TBC1D32: variants seen among roughly 807,000 people sequenced by gnomAD.
The protein encoded by TBC1D32 is protein broad-minded.
TBC1D32 carries 151 observed loss-of-function variants against 170.3 expected under a neutral mutation model. The observed-to-expected ratio is 0.89, with a 90% CI of 0.78 to 1.01. TBC1D32 has a LOEUF of 1.01. TBC1D32 is among the 50% of genes least tolerant of loss of function. TBC1D32 has a pLI of 0.00. For missense variants in TBC1D32, 1,464 were observed against 1,457.1 expected (o/e 1.00, Z -0.08); for synonymous variants, 498 against 488.0 (o/e 1.02, Z -0.27).
intron 1 of TBC1D32, among the ~76,000 whole-genome samples, chr6:121,330,100 CT>C (rs1388924720): frequency 6.6e-6 from 1 of 151,984 alleles, no homozygotes; most frequent in Non-Finnish European, 1.5e-5. Flanking sequence ...GCTCTGTTAC[CT>C]AGGCTCACTG....
chr6:121,108,772 A>G (rs1778937403), intron 29 of TBC1D32, among the ~76,000 whole-genome samples: 1 of 152,058 alleles, frequency 6.6e-6, no homozygotes, highest in African/African-American at 2.4e-5. Context: ...ATGAAAATTA[A>G]ATAGAAAGAC....
chr6:121,153,357 C>G (rs1025020065), intron 24 of TBC1D32, among the ~76,000 whole-genome samples: 12 of 152,174 alleles, frequency 7.9e-5, no homozygotes, highest in Admixed American at 4.6e-4. Context: ...CCTGTTCCTT[C>G]TTATGGAATC....
At chr6:121,137,514 C>G (rs895412712) in intron 24 of TBC1D32, among the ~76,000 whole-genome samples, 20 of 149,896 alleles carry the variant, frequency 1.3e-4, no homozygotes, top group African/African-American at 4.4e-4. Flanking sequence ...TATTCTCTGT[C>G]CTTACCACCA....
intron 1 of TBC1D32, among the ~76,000 whole-genome samples, chr6:121,330,282 C>A (rs947013613): frequency 2.0e-5 from 3 of 152,146 alleles, no homozygotes; most frequent in East Asian, 3.9e-4. Flanking sequence ...GATCTGCCCA[C>A]CTCGACTTCT....
chr6:121,193,831 GC>G (rs1284396474), intron 22 of TBC1D32, among the ~76,000 whole-genome samples: 1 of 152,094 alleles, frequency 6.6e-6, no homozygotes, highest in Non-Finnish European at 1.5e-5. Flanking sequence ...GAATCACAGC[GC>G]CTCAATCAAT....
At chr6:121,209,644 G>A (rs1792794228) in intron 21 of TBC1D32, among the ~76,000 whole-genome samples, 1 of 152,138 alleles carries the variant, frequency 6.6e-6, no homozygotes, top group African/African-American at 2.4e-5. Flanking sequence ...AAAAAACTGA[G>A]GTCTAACTTG....
At chr6:121,272,702 A>T (rs376926187) in intron 15 of TBC1D32, among the ~76,000 whole-genome samples, 1 of 152,170 alleles carries the variant, frequency 6.6e-6, no homozygotes, top group African/African-American at 2.4e-5. Context: ...ACAGTGTGGC[A>T]ATTCATCAAG....
chr6:121,313,277 T>TC (rs1808501375), intron 3 of TBC1D32, among the ~76,000 whole-genome samples: 1 of 116,762 alleles, frequency 8.6e-6, no homozygotes, highest in South Asian at 2.6e-4. Context: ...GGCCTTAATT[T>TC]TTTTTTTTTT....
rs1368385262 is a variant in TBC1D32 at position 121,103,452 on chromosome 6, G to T, written c.3465+2571C>A. The stretch of plus-strand genomic sequence containing the variant: ...CTTTGTAGGGACATGGATGAAGCTG[G>T]AAACCATCATTCTCAGCAAACTATT... On this transcript the variant is annotated intron_variant, in intron 30 of 31. Coordinates refer to ENST00000398212, the MANE Select transcript of TBC1D32 (RefSeq NM_152730.6). 2.6e-5 allele frequency among the ~76,000 whole-genome samples: 4 copies of T among 151,758 alleles called. No individual in the cohort carries two copies. The East Asian group carries it at 5.8e-4, about 22-fold the overall frequency.
At position 121,207,253 on chromosome 6, in the gene TBC1D32, A is replaced by G. The variant is rs1025618757; in HGVS notation, c.2482-2090T>C. On this transcript the variant is annotated intron_variant, in intron 21 of 31. Coordinates refer to ENST00000398212, the MANE Select transcript of TBC1D32 (RefSeq NM_152730.6). ...GTAGTTTCTAAAAGTATTATAATAA[A>G]TATTTCTTCAATAGTAGGGAATTCG... is the stretch of plus-strand genomic sequence containing the variant. Among the ~76,000 whole-genome samples, 5 of 152,162 alleles carry G rather than the reference A, an allele frequency of 3.3e-5. No individual in the cohort carries two copies. The South Asian group carries it at 1.0e-3, about 31-fold the overall frequency.
chr6:121,307,897 C>T (rs1372267046), intron 5 of TBC1D32, 79 bp downstream of exon 5: 10 of 1,448,532 alleles, frequency 6.9e-6, no homozygotes, highest in South Asian at 6.7e-5. Flanking sequence ...AGAAAACTAT[C>T]GTAACTATCA....
At chr6:121,323,237 A>G (rs1267685858) in intron 1 of TBC1D32, among the ~76,000 whole-genome samples, 6 of 151,992 alleles carry the variant, frequency 3.9e-5, no homozygotes, top group African/African-American at 1.4e-4. Context: ...TTTTTTCTCT[A>G]TCAATCAGTA....
At chr6:121,242,634 C>T (rs1583361824) in intron 17 of TBC1D32, among the ~76,000 whole-genome samples, 2 of 152,034 alleles carry the variant, frequency 1.3e-5, no homozygotes, top group East Asian at 3.9e-4. Context: ...ACACTAATTT[C>T]CTTCTATTTT....
intron 22 of TBC1D32, among the ~76,000 whole-genome samples, chr6:121,197,898 C>A (rs532262644): frequency 6.6e-5 from 10 of 151,998 alleles, no homozygotes; most frequent in African/African-American, 2.4e-4. Context: ...GCAGACCCAC[C>A]CTTAATCTGG....
intron 19 of TBC1D32, among the ~76,000 whole-genome samples, chr6:121,240,357 ATTTTTT>A (rs35946120): frequency 4.2e-4 from 32 of 75,300 alleles, no homozygotes; most frequent in Middle Eastern, 0.013. Context: ...GTTTAGGACA[ATTTTTT>A]TTTTTTTTTT....
intron 20 of TBC1D32, among the ~76,000 whole-genome samples, chr6:121,232,265 G>A (rs1485927551): frequency 6.6e-6 from 1 of 152,010 alleles, no homozygotes; most frequent in Non-Finnish European, 1.5e-5. Flanking sequence ...CTCTATTTCT[G>A]TTACATTTGG....
intron 31 of TBC1D32, among the ~76,000 whole-genome samples, chr6:121,086,359 C>T (rs1416585801): frequency 6.6e-6 from 1 of 152,072 alleles, no homozygotes; most frequent in African/African-American, 2.4e-5. Flanking sequence ...ATCTGCAAAA[C>T]ACAGCTGACA....
At chr6:121,279,541 A>G (rs555090056) in intron 14 of TBC1D32, among the ~76,000 whole-genome samples, 1 of 152,070 alleles carries the variant, frequency 6.6e-6, no homozygotes, top group Admixed American at 6.6e-5. Context: ...CAAATGTAGT[A>G]GCTCTTGTAT....
chr6:121,216,595 A>G (rs1437771537), intron 21 of TBC1D32, among the ~76,000 whole-genome samples: 4 of 152,182 alleles, frequency 2.6e-5, no homozygotes, highest in Admixed American at 6.5e-5. Context: ...ATGCAAAATA[A>G]ATGCATTTGA....
Sources: gnomAD v4.1 joint callset for allele counts (sites outside exome capture counted in the v4.1 genomes callset) on GRCh38, gnomAD v4.1.1 for gene constraint, MANE v1.5 for transcripts, NCBI Gene and HGNC (gene_info 2026-07-23, HGNC 2026-07-21) for gene names.